The following CELSR1 variants were observed in gnomAD, a reference collection of about 807,000 sequenced individuals.
CELSR1 encodes cadherin EGF LAG seven-pass G-type receptor 1.
Under a neutral mutation model 249.1 loss-of-function variants are expected in CELSR1, and 110 were observed. The ratio of observed to expected loss-of-function variants is 0.44; its 90% confidence interval spans 0.38 to 0.52. CELSR1 has a LOEUF of 0.52. CELSR1 is among the 20% of genes least tolerant of loss of function. The probability of loss-of-function intolerance (pLI) is 0.00; values close to 1 mark genes in which losing one functional copy is unlikely to be tolerated. For missense variants in CELSR1, 4,109 were observed against 4,296.4 expected (o/e 0.96, Z 1.22); for synonymous variants, 2,113 against 1,900.0 (o/e 1.11, Z -2.92).
rs918037751 is a variant in CELSR1, at chr22:46,380,572, G to A, written c.7256+216C>T. 2.0e-5 allele frequency among the ~76,000 whole-genome samples: 3 copies of A among 152,224 alleles called. No homozygotes were observed. Among genetic ancestry groups the A allele is most frequent in the Admixed American group, 2.0e-4 (3 of 15,280 alleles). Reference sequence around the variant, plus strand: ...CTGCACATCTGTATCTCCACGTGCAGGTCTGTGTGCATCTGTGTGTGGACA... The same window carrying A: ...CTGCACATCTGTATCTCCACGTGCAAGTCTGTGTGCATCTGTGTGTGGACA... On this transcript the variant is annotated intron_variant, in intron 22 of 34. Coordinates refer to ENST00000674500, the MANE Select transcript of CELSR1 (RefSeq NM_001378328.1). This position sits in a 1 kb window ranked among gnomAD's most constrained non-coding sequence, Gnocchi z 5.1.
rs1233565261 is a variant in CELSR1 at position 46,473,815 on chromosome 22, G to GTT, written c.3545-9472_3545-9471dup. 6.6e-6 allele frequency among the ~76,000 whole-genome samples: 1 copy of GTT among 152,126 alleles called. No individual in the cohort carries two copies. The highest frequency in any genetic ancestry group is 1.5e-5 in the Non-Finnish European group (1 of 68,016). ...CTGTGTGCGTCTCTCTCTCTTCTGG[G>GTT]TTTGTTTTGTTTTGTTTTAGAGGCC... On this transcript the variant is annotated intron_variant, in intron 1 of 34. Coordinates refer to ENST00000674500, the MANE Select transcript of CELSR1 (RefSeq NM_001378328.1). The surrounding 1 kb of genome is among the most constrained non-coding windows in gnomAD (Gnocchi z 6.6).
intron 1 of CELSR1, among the ~76,000 whole-genome samples, chr22:46,520,397 T>C (rs2080673652): frequency 7.2e-6 from 1 of 137,982 alleles, no homozygotes. Flanking sequence ...TGCAACAGTT[T>C]GCATTAGTCC....
intron 2 of CELSR1, among the ~76,000 whole-genome samples, chr22:46,459,784 T>C (rs1045646829): frequency 2.0e-5 from 3 of 152,370 alleles, no homozygotes; most frequent in African/African-American, 2.4e-5. Flanking sequence ...GATGCTTTGA[T>C]GTCTTGTACC....
At position 46,533,925 on chromosome 22, in the gene CELSR1, CACCAGCGGAGCCGA is replaced by C; in HGVS notation, c.3232_3245del (p.Ser1078GlufsTer14). 1 of 1,613,116 alleles carries C rather than the reference CACCAGCGGAGCCGA, an allele frequency of 6.2e-7. No homozygotes were observed. The highest frequency in any genetic ancestry group is 8.5e-7 in the Non-Finnish European group (1 of 1,180,008). On this transcript the variant is annotated frameshift_variant, in exon 1 of 35. Transcript: ENST00000674500. LOFTEE classifies it high-confidence loss of function. ...GAAGGATGTGCACCGTGGCTCGGCT[CACCAGCGGAGCCGA>C]CGTGGCCTGCACCACCAGCACATAC...
rs1048782267 is a variant in CELSR1, at chr22:46,386,574, G to A, written c.6567C>T (p.His2189=). 1.6e-5 allele frequency: 25 copies of A among 1,593,688 alleles called. No individual in the cohort carries two copies. In the African/African-American group the frequency reaches 1.9e-4, roughly 12 times the overall value. The change falls in exon 19 of 35, where the codon CAC becomes CAT. Residue 2189 remains histidine, a synonymous_variant. Coordinates refer to ENST00000674500, the MANE Select transcript of CELSR1 (RefSeq NM_001378328.1). Reference sequence around the variant, plus strand: ...CTGGGGCCAGGAGGGCGCTGCCCGAGTGGATGACGTCCTGGTCAGACAGAC... The same window carrying A: ...CTGGGGCCAGGAGGGCGCTGCCCGAATGGATGACGTCCTGGTCAGACAGAC... ...QDADFHEDVI[H]SGSALLAPAT...
chr22:46,518,899 G>A lies in CELSR1; in HGVS notation c.3544+14728C>T, dbSNP rs1339847153. 2.0e-5 allele frequency among the ~76,000 whole-genome samples: 3 copies of A among 152,172 alleles called. No homozygotes were observed. The East Asian group carries it at 5.8e-4, about 29-fold the overall frequency. ...AATACAAAAATTAGCTGGACGTGGT[G>A]GCGCATGCCTGTAATCCCAGCTACT... On this transcript the variant is annotated intron_variant, in intron 1 of 34. Coordinates refer to ENST00000674500, the MANE Select transcript of CELSR1 (RefSeq NM_001378328.1). The surrounding 1 kb of genome is among the most constrained non-coding windows in gnomAD (Gnocchi z 5.2).
chr22:46,388,687 G>T (rs1250853329), intron 18 of CELSR1, among the ~76,000 whole-genome samples: 5 of 152,232 alleles, frequency 3.3e-5, no homozygotes, highest in Non-Finnish European at 7.3e-5. Context: ...AACTTCTGGA[G>T]CCCCCGAAAG....
intron 26 of CELSR1, 109 bp downstream of exon 26, chr22:46,369,583 C>A: frequency 5.2e-6 from 5 of 956,066 alleles, no homozygotes; most frequent in South Asian, 4.6e-5. Context: ...GCCCTTCCTG[C>A]CCCCCGTCGG....
intron 5 of CELSR1, among the ~76,000 whole-genome samples, chr22:46,418,050 G>A (rs1602107391): frequency 6.6e-6 from 1 of 152,250 alleles, no homozygotes; most frequent in Non-Finnish European, 1.5e-5. Context: ...CTCGTGGGAC[G>A]ACATGAATGA....
chr22:46,409,266 T>C lies in CELSR1; in HGVS notation c.5060-104A>G. On this transcript the variant is annotated intron_variant, in intron 8 of 34. Coordinates refer to ENST00000674500, the MANE Select transcript of CELSR1 (RefSeq NM_001378328.1). The surrounding 1 kb of genome is among the most constrained non-coding windows in gnomAD (Gnocchi z 9.8). ...GGCCTGCAGGCTAGGCCTGGGCCTT[T>C]TTCACTTTAACACGAAGGTGGGTCT... 1 of 1,247,854 alleles carries C rather than the reference T, an allele frequency of 8.0e-7. No individual in the cohort carries two copies. The highest frequency in any genetic ancestry group is 1.4e-5 in the South Asian group (1 of 70,950). 77.3% of individuals were successfully genotyped at this position (1,247,854 alleles called of 1,614,324 possible). A position where few individuals can be genotyped will look rare whatever the true frequency, so the allele number is the denominator to read the frequency against.
chr22:46,509,149 G>A (rs1413039558), intron 1 of CELSR1, among the ~76,000 whole-genome samples: 1 of 152,084 alleles, frequency 6.6e-6, no homozygotes, highest in Non-Finnish European at 1.5e-5. Context: ...GGGCTGCGAG[G>A]ACACTTCTCT....
rs1335623124 is a variant in CELSR1 at position 46,381,348 on chromosome 22, A to G, written c.7089-393T>C. Among the ~76,000 whole-genome samples, 1 of 152,210 alleles carries G rather than the reference A, an allele frequency of 6.6e-6. No individual in the cohort carries two copies. The highest frequency in any genetic ancestry group is 1.5e-5 in the Non-Finnish European group (1 of 68,034). ...AGTCACTGAGAACCACGTGAACACG[A>G]GGATCCCAGAGCCAGGGAAGTATCT... On this transcript the variant is annotated intron_variant, in intron 21 of 34. Coordinates refer to ENST00000674500, the MANE Select transcript of CELSR1 (RefSeq NM_001378328.1). The surrounding 1 kb of genome is among the most constrained non-coding windows in gnomAD (Gnocchi z 6.0).
chr22:46,432,350 C>G (rs1022881441), intron 5 of CELSR1, among the ~76,000 whole-genome samples: 2 of 152,196 alleles, frequency 1.3e-5, no homozygotes, highest in African/African-American at 4.8e-5. Flanking sequence ...AAGGAAGATG[C>G]TCTCTCCATA....
intron 20 of CELSR1, among the ~76,000 whole-genome samples, chr22:46,382,604 C>G (rs1168790540): frequency 6.6e-6 from 1 of 152,182 alleles, no homozygotes; most frequent in South Asian, 2.1e-4. Context: ...TGCCCATGTT[C>G]ACAGCAGCAC....
intron 2 of CELSR1, among the ~76,000 whole-genome samples, chr22:46,459,064 AT>A (rs938817408): frequency 4.0e-5 from 6 of 149,910 alleles, no homozygotes; most frequent in African/African-American, 1.2e-4. Context: ...GGTTTTTTGT[AT>A]TTTTAGTAGA....
Position 46,410,565 on chromosome 22 carries a change from G to A in CELSR1, c.4770-4C>T, listed in dbSNP as rs376689778. On this transcript the variant is annotated splice_region_variant and splice_polypyrimidine_tract_variant and intron_variant, in intron 6 of 34. Coordinates refer to ENST00000674500, the MANE Select transcript of CELSR1 (RefSeq NM_001378328.1). This position sits in a 1 kb window ranked among gnomAD's most constrained non-coding sequence, Gnocchi z 6.8. ...AGGGCCGGTCAGATCCAGGGACCTG[G>A]GTAGGTAAAGCCATCTTCTGTGACG... is the stretch of plus-strand genomic sequence containing the variant. The A allele has an allele frequency of 6.2e-7, 1 of 1,612,022 alleles. No homozygotes were observed. The highest frequency in any genetic ancestry group is 1.1e-5 in the South Asian group (1 of 91,062).
intron 1 of CELSR1, among the ~76,000 whole-genome samples, chr22:46,507,625 G>C (rs1458922814): frequency 1.3e-5 from 2 of 152,094 alleles, no homozygotes; most frequent in East Asian, 3.9e-4. Context: ...GCCCCGCTGT[G>C]ACCCGCCTCC....
At position 46,364,093 on chromosome 22, in the gene CELSR1, CTG is replaced by C; in HGVS notation, c.8936_8937del (p.Thr2979SerfsTer11). ...LGSGGPDCAI[T>X]VKSPGREPGR... is the part of the protein sequence containing the mutation. ...CCCGGCTCCCTCCCAGGGCTCTTGA[CTG>C]TGATGGCGCAGTCGGGGCCGCCAGA... On this transcript the variant is annotated frameshift_variant, in exon 34 of 35. Coordinates refer to ENST00000674500, the MANE Select transcript of CELSR1 (RefSeq NM_001378328.1). LOFTEE classifies it high-confidence loss of function. 6.2e-7 allele frequency: 1 copy of C among 1,612,390 alleles called. No individual in the cohort carries two copies. Among genetic ancestry groups the C allele is most frequent in the Non-Finnish European group, 8.5e-7 (1 of 1,179,676 alleles).
intron 1 of CELSR1, among the ~76,000 whole-genome samples, chr22:46,465,361 C>T (rs1197787831): frequency 1.3e-5 from 2 of 152,176 alleles, no homozygotes; most frequent in Non-Finnish European, 2.9e-5. Context: ...AGCTCCCACC[C>T]TGGTTTCCAT....
Sources: allele counts gnomAD v4.1 joint callset (sites outside exome capture counted in the v4.1 genomes callset), GRCh38; gene constraint gnomAD v4.1.1; non-coding constraint Gnocchi (gnomAD v3.1); transcripts MANE v1.5; gene names NCBI Gene and HGNC (gene_info 2026-07-23, HGNC 2026-07-21).